Variants in KRTAP13-2 observed in about 807,000 individuals in gnomAD.
KRTAP13-2 encodes keratin associated protein 13-2.
For synonymous variants in KRTAP13-2, 92 were observed against 87.4 expected, an observed-to-expected ratio of 1.05 and a Z score of -0.30; for missense variants, 231 against 212.4, an observed-to-expected ratio of 1.09 and a Z score of -0.55.
At position 30,371,653 on chromosome 21, in the gene KRTAP13-2, G is replaced by T; in HGVS notation, c.*33C>A. ...GCCTATGATAACAGCTCTACGTAGA[G>T]ACTGAGACACTTTGCTTAAAAGGTC... On this transcript the variant is annotated 3_prime_UTR_variant, in exon 1 of 1. Transcript: ENST00000399889. 1.9e-6 allele frequency: 3 copies of T among 1,596,346 alleles called. No homozygotes were observed. The highest frequency in any genetic ancestry group is 2.3e-5 in the South Asian group (2 of 88,240).
At position 30,371,714 on chromosome 21, in the gene KRTAP13-2, C is replaced by T; in HGVS notation, c.500G>A (p.Gly167Glu). 6.2e-7 allele frequency: 1 copy of T among 1,614,066 alleles called. No individual in the cohort carries two copies. The highest frequency in any genetic ancestry group is 2.2e-5 in the East Asian group (1 of 44,858). Reference sequence around the variant, plus strand: ...GCAAGTTGATCTGCAGAAGGTTGATCCATAGGCTGGTCTGTAACAAGGAGA... The same window carrying T: ...GCAAGTTGATCTGCAGAAGGTTGATTCATAGGCTGGTCTGTAACAAGGAGA... ...CQSPCYRPAY[G>E]STFCRSTC The change falls in exon 1 of 1, where the codon GGA becomes GAA. Residue 167 changes from glycine to glutamate, a missense_variant. Physicochemically the swap from Gly to Glu is moderately conservative, Grantham distance 98. Coordinates refer to ENST00000399889, the MANE Select transcript of KRTAP13-2 (RefSeq NM_181621.4).
chr21:30,372,075 G>A, the KRTAP13-2 span: 1 of 1,614,222 alleles, frequency 6.2e-7, no homozygotes, highest in African/African-American at 1.3e-5. Flanking sequence ...GAACCCAGCT[G>A]GCAGGTGCTG....
In KRTAP13-2 at chr21:30,371,632, A is replaced by C; in HGVS notation, c.*54T>G. 1 of 1,535,672 alleles carries C rather than the reference A, an allele frequency of 6.5e-7. No homozygotes were observed. Among genetic ancestry groups the C allele is most frequent in the Non-Finnish European group, 8.8e-7 (1 of 1,132,152 alleles). On this transcript the variant is annotated 3_prime_UTR_variant, in exon 1 of 1. Transcript: ENST00000399889. ...TTAGCTCACATTGCTGGAAATGCCT[A>C]TGATAACAGCTCTACGTAGAGACTG...
In KRTAP13-2 at chr21:30,372,022, G is replaced by A; in HGVS notation, c.192C>T (p.Thr64=). 2.5e-6 allele frequency: 4 copies of A among 1,614,034 alleles called. No homozygotes were observed. Among genetic ancestry groups the A allele is most frequent in the Non-Finnish European group, 3.4e-6 (4 of 1,179,926 alleles). ...ACTCCACATAGGACGTCTGGCAGCT[G>A]GTGGGCTCCCAGCAGATCTCCTGAC... ...RGCQEICWEP[T]SCQTSYVESS... The change falls in exon 1 of 1, where the codon ACC becomes ACT. Residue 64 remains threonine, a synonymous_variant. Transcript: ENST00000399889.
rs768347629 is a variant in KRTAP13-2 at position 30,371,636 on chromosome 21, T to C, written c.*50A>G. The C allele has an allele frequency of 6.4e-7, 1 of 1,550,428 alleles. No homozygotes were observed. The highest frequency in any genetic ancestry group is 2.2e-5 in the East Asian group (1 of 44,508). Reference sequence around the variant, plus strand: ...CTCACATTGCTGGAAATGCCTATGATAACAGCTCTACGTAGAGACTGAGAC... The same window carrying C: ...CTCACATTGCTGGAAATGCCTATGACAACAGCTCTACGTAGAGACTGAGAC... On this transcript the variant is annotated 3_prime_UTR_variant, in exon 1 of 1. Coordinates refer to ENST00000399889, the MANE Select transcript of KRTAP13-2 (RefSeq NM_181621.4).
chr21:30,371,773 G>T, the KRTAP13-2 span: 1 of 1,614,146 alleles, frequency 6.2e-7, no homozygotes, highest in Non-Finnish European at 8.5e-7. Context: ...AGGTTGGGCG[G>T]CAGAATCCAG....
At position 30,372,184 on chromosome 21, in the gene KRTAP13-2, G is replaced by A; in HGVS notation, c.30C>T (p.Phe10=). 2.5e-6 allele frequency: 4 copies of A among 1,613,798 alleles called. No individual in the cohort carries two copies. The highest frequency in any genetic ancestry group is 1.7e-6 in the Non-Finnish European group (2 of 1,179,780). Residue 10 remains phenylalanine (F), a synonymous_variant, in exon 1 of 1, where the codon TTC becomes TTT. Transcript: ENST00000399889. MSYNCCSGN[F]SSRSCGDYLR... ...GGTAGTCACCACAGGAGCGGGAGGA[G>A]AAGTTTCCAGAGCAGCAGTTGTAGG...
Position 30,371,675 on chromosome 21 carries a change from G to A in KRTAP13-2, c.*11C>T, listed in dbSNP as rs1283008025. On this transcript the variant is annotated 3_prime_UTR_variant, in exon 1 of 1. Transcript: ENST00000399889. ...AGAGACTGAGACACTTTGCTTAAAAGGTCTGGAAATTCAGCAAGTTGATCT... is the reference window on the plus strand; with the variant it reads ...AGAGACTGAGACACTTTGCTTAAAAAGTCTGGAAATTCAGCAAGTTGATCT... 1 of 1,610,170 alleles carries A rather than the reference G, an allele frequency of 6.2e-7. No homozygotes were observed. Among genetic ancestry groups the A allele is most frequent in the Admixed American group, 1.7e-5 (1 of 59,708 alleles).
In KRTAP13-2 at chr21:30,371,835, C is replaced by A. The variant is rs975070646; in HGVS notation, c.379G>T (p.Val127Phe). The change falls in exon 1 of 1, where the codon GTC becomes TTC. Residue 127 changes from valine to phenylalanine, a missense_variant. Transcript: ENST00000399889. ...CYSVGCGSSG[V>F]RSLGYGSCGF... ...CAGCTTCCATAACCCAGGGATCTGA[C>A]ACCACTGGACCCACAGCCCACTGAG... 6.8e-6 allele frequency: 11 copies of A among 1,614,122 alleles called. No homozygotes were observed. Among genetic ancestry groups the A allele is most frequent in the South Asian group, 1.1e-5 (1 of 91,070 alleles).
In KRTAP13-2 at chr21:30,372,101, G is replaced by A; in HGVS notation, c.113C>T (p.Thr38Ile). 1 of 1,614,208 alleles carries A rather than the reference G, an allele frequency of 6.2e-7. No individual in the cohort carries two copies. Among genetic ancestry groups the A allele is most frequent in the African/African-American group, 1.3e-5 (1 of 75,060 alleles). ...FSYPSNLVYS[T>I]DLCSPSTCQL... Reference sequence around the variant, plus strand: ...GCAGGTGCTGGGAGAGCAGAGGTCAGTGCTGTAGACCAGATTGCTGGGGTA... The same window carrying A: ...GCAGGTGCTGGGAGAGCAGAGGTCAATGCTGTAGACCAGATTGCTGGGGTA... The change falls in exon 1 of 1, where the codon ACT becomes ATT. Residue 38 changes from threonine (T) to isoleucine (I), a missense_variant. Physicochemically the swap from Thr to Ile is moderately conservative, Grantham distance 89. Transcript: ENST00000399889.
Position 30,371,828 on chromosome 21 carries a change from G to C in KRTAP13-2, c.386C>G (p.Ser129Cys), listed in dbSNP as rs1394773248. The C allele has an allele frequency of 6.2e-7, 1 of 1,614,056 alleles. No individual in the cohort carries two copies. The highest frequency in any genetic ancestry group is 1.3e-5 in the African/African-American group (1 of 75,026). Residue 129 changes from serine (S) to cysteine (C), a missense_variant, in exon 1 of 1, where the codon TCC becomes TGC. Ser to Cys is a moderately radical substitution (Grantham distance 112). Coordinates refer to ENST00000399889, the MANE Select transcript of KRTAP13-2 (RefSeq NM_181621.4). The part of the protein sequence containing the change: ...SVGCGSSGVR[S>C]LGYGSCGFPS... ...GAAGCCACAGCTTCCATAACCCAGG[G>C]ATCTGACACCACTGGACCCACAGCC...
chr21:30,372,039 T>A lies in KRTAP13-2; in HGVS notation c.175A>T (p.Ile59Phe), dbSNP rs1316428508. ...TGGCAGCTGGTGGGCTCCCAGCAGA[T>A]CTCCTGACAGCCCCTATAGAGAGAG... ...GSSLYRGCQE[I>F]CWEPTSCQTS... The change falls in exon 1 of 1, where the codon ATC becomes TTC. Residue 59 changes from isoleucine (I) to phenylalanine (F), a missense_variant. Coordinates refer to ENST00000399889, the MANE Select transcript of KRTAP13-2 (RefSeq NM_181621.4). 8.7e-6 allele frequency: 14 copies of A among 1,614,072 alleles called. No homozygotes were observed. The highest frequency in any genetic ancestry group is 1.1e-5 in the Non-Finnish European group (13 of 1,179,996).
At position 30,372,179 on chromosome 21, in the gene KRTAP13-2, G is replaced by A; in HGVS notation, c.35C>T (p.Ser12Phe). Residue 12 changes from serine (S) to phenylalanine (F), a missense_variant, in exon 1 of 1, where the codon TCC becomes TTC. Ser to Phe is a radical substitution (Grantham distance 155). Coordinates refer to ENST00000399889, the MANE Select transcript of KRTAP13-2 (RefSeq NM_181621.4). ...SYNCCSGNFS[S>F]RSCGDYLRYP... is the part of the protein sequence containing the mutation. ...GCGCAGGTAGTCACCACAGGAGCGG[G>A]AGGAGAAGTTTCCAGAGCAGCAGTT... 1 of 1,613,896 alleles carries A rather than the reference G, an allele frequency of 6.2e-7. No homozygotes were observed. Among genetic ancestry groups the A allele is most frequent in the East Asian group, 2.2e-5 (1 of 44,878 alleles).
Position 30,371,594 on chromosome 21 carries a change from G to A in KRTAP13-2, c.*92C>T, listed in dbSNP as rs1982897178. ...ATGCCAGAGAAAGGATGAAGAGCTA[G>A]TAGTAAGAGGGGTTAGCTCACATTG... On this transcript the variant is annotated 3_prime_UTR_variant, in exon 1 of 1. Coordinates refer to ENST00000399889, the MANE Select transcript of KRTAP13-2 (RefSeq NM_181621.4). 2 of 1,211,064 alleles carry A rather than the reference G, an allele frequency of 1.7e-6. No individual in the cohort carries two copies. The highest frequency in any genetic ancestry group is 1.5e-5 in the African/African-American group (1 of 65,736). The allele number at this position is 1,211,064 out of a possible 1,614,324, so 75.0% of individuals were successfully genotyped here.
rs1194418849 is a variant in KRTAP13-2, at chr21:30,371,939, C to A, written c.275G>T (p.Cys92Phe). The part of the protein sequence containing the change: ...RPRTSLLCSP[C>F]KTTYSGSLGF... The stretch of plus-strand genomic sequence containing the variant: ...TAGAGACCCAGAGTAAGTCGTCTTG[C>A]AAGGACTGCAGAGCAAGGAGGTTCT... Residue 92 changes from cysteine to phenylalanine, a missense_variant, in exon 1 of 1, where the codon TGC becomes TTC. Coordinates refer to ENST00000399889, the MANE Select transcript of KRTAP13-2 (RefSeq NM_181621.4). 7.4e-6 allele frequency: 12 copies of A among 1,614,178 alleles called. No homozygotes were observed. Among genetic ancestry groups the A allele is most frequent in the Middle Eastern group, 3.3e-4 (2 of 6,062 alleles).
At position 30,372,131 on chromosome 21, in the gene KRTAP13-2, A is replaced by G; in HGVS notation, c.83T>C (p.Phe28Ser). 1 of 1,614,138 alleles carries G rather than the reference A, an allele frequency of 6.2e-7. No homozygotes were observed. The highest frequency in any genetic ancestry group is 2.2e-5 in the East Asian group (1 of 44,866). ...GTAGACCAGATTGCTGGGGTAGGAA[A>G]AGCCACGTGAGGATGCTGGGTAGCG... The part of the protein sequence containing the change: ...YLRYPASSRG[F>S]SYPSNLVYST... Residue 28 changes from phenylalanine to serine, a missense_variant, in exon 1 of 1, where the codon TTT becomes TCT. Transcript: ENST00000399889.
At position 30,371,663 on chromosome 21, in the gene KRTAP13-2, CT is replaced by C. The variant is rs1001929949; in HGVS notation, c.*22del. On this transcript the variant is annotated 3_prime_UTR_variant, in exon 1 of 1. Coordinates refer to ENST00000399889, the MANE Select transcript of KRTAP13-2 (RefSeq NM_181621.4). Reference sequence around the variant, plus strand: ...ACAGCTCTACGTAGAGACTGAGACACTTTGCTTAAAAGGTCTGGAAATTCAG... The same window carrying C: ...ACAGCTCTACGTAGAGACTGAGACACTTGCTTAAAAGGTCTGGAAATTCAG... The C allele has an allele frequency of 2.2e-5, 35 of 1,604,536 alleles. No homozygotes were observed. The highest frequency in any genetic ancestry group is 3.0e-5 in the Non-Finnish European group (35 of 1,174,714).
rs769072421 is a variant in KRTAP13-2, at chr21:30,371,753, G to A, written c.461C>T (p.Ser154Phe). ...SGFCRPTYLA[S>F]RSCQSPCYRP... ...GTAACAAGGAGACTGGCAGCTCCTA[G>A]AAGCCAAGTAGGTTGGGCGGCAGAA... Residue 154 changes from serine (S) to phenylalanine (F), a missense_variant, in exon 1 of 1, where the codon TCT becomes TTT. Coordinates refer to ENST00000399889, the MANE Select transcript of KRTAP13-2 (RefSeq NM_181621.4). 22 of 1,614,038 alleles carry A rather than the reference G, an allele frequency of 1.4e-5. No homozygotes were observed. The African/African-American group carries it at 1.9e-4, about 14-fold the overall frequency.
In KRTAP13-2 at chr21:30,372,154, G is replaced by T. The variant is rs900426614; in HGVS notation, c.60C>A (p.Arg20=). The change falls in exon 1 of 1, where the codon CGC becomes CGA. Residue 20 remains arginine (R), a synonymous_variant. Coordinates refer to ENST00000399889, the MANE Select transcript of KRTAP13-2 (RefSeq NM_181621.4). ...AAAAGCCACGTGAGGATGCTGGGTA[G>T]CGCAGGTAGTCACCACAGGAGCGGG... ...FSSRSCGDYL[R]YPASSRGFSY... 1.9e-6 allele frequency: 3 copies of T among 1,614,028 alleles called. No individual in the cohort carries two copies. The highest frequency in any genetic ancestry group is 2.5e-6 in the Non-Finnish European group (3 of 1,180,018).
Sources: allele counts gnomAD v4.1 joint callset, GRCh38; gene constraint gnomAD v4.1.1; transcripts MANE v1.5; gene names NCBI Gene and HGNC (gene_info 2026-07-23, HGNC 2026-07-21).